Variants in SCRG1 observed in about 807,000 individuals in gnomAD.
The protein encoded by SCRG1 is scrapie-responsive protein 1.
Under a neutral mutation model 7.7 loss-of-function variants are expected in SCRG1, and 3 were observed. The ratio of observed to expected loss-of-function variants is 0.39; its 90% CI spans 0.18 to 1.01. SCRG1 has a LOEUF of 1.01. SCRG1 is among the 50% of genes least tolerant of loss of function. The pLI is 0.36. For missense variants in SCRG1, 110 were observed against 117.2 expected (o/e 0.94, Z 0.28); for synonymous variants, 46 against 41.2 (o/e 1.12, Z -0.44).
the SCRG1 span, among the ~76,000 whole-genome samples, chr4:173,515,422 TAA>T: frequency 0.028 from 4,259 of 149,564 alleles, 206 homozygotes; most frequent in African/African-American, 0.096. This position sits in a 1 kb window ranked among gnomAD's most constrained non-coding sequence, Gnocchi z 4.6. Context: ...GTGTTTGTGC[TAA>T]AAAAAAAAAA....
chr4:173,498,895 A>G, the SCRG1 span, among the ~76,000 whole-genome samples: 54 of 152,284 alleles, frequency 3.5e-4, no homozygotes, highest in African/African-American at 1.0e-3. Context: ...TGGTTATGTA[A>G]TTTGCACACA....
the SCRG1 span, among the ~76,000 whole-genome samples, chr4:173,471,407 A>C: frequency 3.3e-5 from 5 of 152,180 alleles, no homozygotes; most frequent in Non-Finnish European, 7.3e-5. Flanking sequence ...TAAAAATAAG[A>C]AATATTTCTA....
the SCRG1 span, among the ~76,000 whole-genome samples, chr4:173,493,325 G>T: frequency 1.3e-5 from 2 of 152,062 alleles, no homozygotes; most frequent in Non-Finnish European, 2.9e-5. Flanking sequence ...GTTCTACCAT[G>T]GTAAGACGTG....
chr4:173,463,129 C>T, the SCRG1 span, among the ~76,000 whole-genome samples: 1 of 152,130 alleles, frequency 6.6e-6, no homozygotes, highest in Non-Finnish European at 1.5e-5. Flanking sequence ...TGTAAATGGA[C>T]TAATTTGCCC....
At chr4:173,477,465 C>T in the SCRG1 span, among the ~76,000 whole-genome samples, 1 of 152,012 alleles carries the variant, frequency 6.6e-6, no homozygotes, top group Non-Finnish European at 1.5e-5. Context: ...GGGGGTGCAT[C>T]GATTTAGCAC....
At chr4:173,484,107 T>TAATATATAATATAC in the SCRG1 span, among the ~76,000 whole-genome samples, 6 of 68,518 alleles carry the variant, frequency 8.8e-5, no homozygotes, top group African/African-American at 1.1e-4. Flanking sequence ...ATATAATATA[T>TAATATATAATATAC]AATATATAAT....
At chr4:173,485,145 A>AT in the SCRG1 span, among the ~76,000 whole-genome samples, 3 of 11,444 alleles carry the variant, frequency 2.6e-4, no homozygotes, top group African/African-American at 7.2e-4. Context: ...TATTACATAT[A>AT]ATGTAATATA....
the SCRG1 span, among the ~76,000 whole-genome samples, chr4:173,445,233 T>A: frequency 6.6e-6 from 1 of 152,112 alleles, no homozygotes; most frequent in African/African-American, 2.4e-5. Flanking sequence ...TTATATGAAG[T>A]TCTTATCTTA....
the SCRG1 span, among the ~76,000 whole-genome samples, chr4:173,518,406 G>C: frequency 6.6e-6 from 1 of 152,164 alleles, no homozygotes. Context: ...TTAAAATAAA[G>C]GCTTAAAATA....
the SCRG1 span, chr4:173,468,697 T>C: frequency 6.6e-6 from 1 of 152,156 alleles, no homozygotes; most frequent in Non-Finnish European, 1.5e-5. Flanking sequence ...TAGAAAGAAA[T>C]TTTGCACCAT....
chr4:173,414,810 C>A, the SCRG1 span, among the ~76,000 whole-genome samples: 1 of 152,194 alleles, frequency 6.6e-6, no homozygotes, highest in African/African-American at 2.4e-5. Flanking sequence ...GGTGCAACAT[C>A]ATCACTTCAA....
At chr4:173,487,819 T>C in the SCRG1 span, among the ~76,000 whole-genome samples, 1 of 152,174 alleles carries the variant, frequency 6.6e-6, no homozygotes, top group East Asian at 1.9e-4. Context: ...ATGGCCTATT[T>C]TGGCTGGGCA....
At chr4:173,397,973 T>C (rs1332255077) in intron 1 of SCRG1, among the ~76,000 whole-genome samples, 1 of 152,230 alleles carries the variant, frequency 6.6e-6, no homozygotes, top group Non-Finnish European at 1.5e-5. Context: ...ATCAAAATTA[T>C]AGTTGGGAGA....
the SCRG1 span, among the ~76,000 whole-genome samples, chr4:173,488,720 A>G: frequency 2.6e-5 from 4 of 152,184 alleles, no homozygotes; most frequent in Non-Finnish European, 5.9e-5. Context: ...ATGTTTTGCA[A>G]TATGGTTTCA....
At chr4:173,408,749 T>G (rs1406568258), upstream of SCRG1, among the ~76,000 whole-genome samples, 1 of 151,852 alleles carries the variant, frequency 6.6e-6, no homozygotes, top group Non-Finnish European at 1.5e-5. Context: ...ATCCCAGCAT[T>G]TTGGGAGCCT....
intron 1 of SCRG1, among the ~76,000 whole-genome samples, chr4:173,405,337 T>A (rs1306269484): frequency 2.0e-5 from 3 of 152,228 alleles, no homozygotes; most frequent in African/African-American, 7.2e-5. Context: ...ATATCACACA[T>A]GAACATACAG....
the SCRG1 span, among the ~76,000 whole-genome samples, chr4:173,435,164 C>G: frequency 3.3e-5 from 5 of 150,968 alleles, no homozygotes; most frequent in African/African-American, 1.2e-4. Context: ...GTTTAAAGAA[C>G]TTAGATTCAA....
the SCRG1 span, among the ~76,000 whole-genome samples, chr4:173,482,951 ATATTG>A: frequency 2.2e-5 from 3 of 134,274 alleles, no homozygotes; most frequent in Non-Finnish European, 3.1e-5. Flanking sequence ...AATATATAAT[ATATTG>A]TACATATTGT....
Position 173,391,191 on chromosome 4 carries a change from T to C in SCRG1, c.224A>G (p.Glu75Gly). The C allele has an allele frequency of 1.2e-6, 2 of 1,614,176 alleles. No individual in the cohort carries two copies. Among genetic ancestry groups the C allele is most frequent in the East Asian group, 4.5e-5 (2 of 44,880 alleles). ...TCCTTACTTTGGGCAGCAGAGCAAT[T>C]CGCTGAAGTTGCAGTAACAGATCAT... ...CEMICYCNFS[E>G]LLCCPKDVFF... The change falls in exon 2 of 3, where the codon GAA becomes GGA. Residue 75 changes from glutamate to glycine, a missense_variant. Glu to Gly is a moderately conservative substitution (Grantham distance 98). Transcript: ENST00000296506.
Sources: allele counts gnomAD v4.1 joint callset (sites outside exome capture counted in the v4.1 genomes callset), GRCh38; gene constraint gnomAD v4.1.1; non-coding constraint Gnocchi (gnomAD v3.1); transcripts MANE v1.5; gene names NCBI Gene and HGNC (gene_info 2026-07-23, HGNC 2026-07-21).